PLBD1: variants seen among roughly 807,000 people sequenced by gnomAD.
PLBD1 encodes lysosomal leucine aminopeptidase.
In PLBD1, 60 loss-of-function variants were observed where a neutral mutation model predicts 63.0. The ratio of observed to expected loss-of-function variants is 0.95; its 90% confidence interval spans 0.77 to 1.18. PLBD1 has a LOEUF of 1.18. Ranked by LOEUF, PLBD1 falls within the 50% of genes most tolerant of loss-of-function variation. PLBD1 has a pLI of 0.00. For synonymous variants in PLBD1, 262 were observed against 248.0 expected, an observed-to-expected ratio of 1.06 and a Z score of -0.53; for missense variants, 598 against 677.9, an observed-to-expected ratio of 0.88 and a Z score of 1.31.
intron 6 of PLBD1, among the ~76,000 whole-genome samples, chr12:14,528,735 A>G (rs560576737): frequency 3.6e-4 from 55 of 152,214 alleles, no homozygotes; most frequent in Middle Eastern, 6.8e-3. Context: ...AAAAATGGAA[A>G]TTTTATCTTA....
At position 14,506,264 on chromosome 12, in the gene PLBD1, A is replaced by G; in HGVS notation, c.1377T>C (p.Tyr459=). ...CACCTCTACTGTAAGGATCCTTCTT[A>G]TAATCTAGGAAACAGAAATGGGGAA... The part of the protein sequence containing the change: ...SMKYIMRYNN[Y]KKDPYSRGDP... Residue 459 remains tyrosine (Y), a synonymous_variant, in exon 10 of 11, where the codon TAT becomes TAC. Transcript: ENST00000240617. 1.3e-6 allele frequency: 2 copies of G among 1,596,994 alleles called. No homozygotes were observed. Among genetic ancestry groups the G allele is most frequent in the South Asian group, 1.1e-5 (1 of 90,386 alleles).
At position 14,506,949 on chromosome 12, in the gene PLBD1, A is replaced by T. The variant is rs148870731; in HGVS notation, c.1356T>A (p.Tyr452Ter). ...GCTACGTACTGTTGTATCGCATGAT[A>T]TATTTCATGGATGCCGTATCAGTCA... Reference protein sequence around the residue: ...GKVTDTASMKYIMRYNNYKKD... With the variant: ...GKVTDTASMK The change falls in exon 9 of 11, where the codon TAT becomes TAA. Residue 452 changes from tyrosine to a stop codon, truncating the protein, a stop_gained. Transcript: ENST00000240617. LOFTEE classifies it high-confidence loss of function. 2 of 1,614,090 alleles carry T rather than the reference A, an allele frequency of 1.2e-6. No individual in the cohort carries two copies. The highest frequency in any genetic ancestry group is 3.3e-5 in the Admixed American group (2 of 60,022).
Position 14,506,828 on chromosome 12 carries a change from C to CTT in PLBD1, c.1372+103_1372+104dup, listed in dbSNP as rs1945259685. ...TATTAGTTAAATACTTAAATAACTT[C>CTT]TTATAATTCCTTCTAGTACAGAGAT... On this transcript the variant is annotated intron_variant, in intron 9 of 10. Coordinates refer to ENST00000240617, the MANE Select transcript of PLBD1 (RefSeq NM_024829.6). 3 of 981,778 alleles carry CTT rather than the reference C, an allele frequency of 3.1e-6. No individual in the cohort carries two copies. In the East Asian group the frequency reaches 7.9e-5, roughly 26 times the overall value. The allele number at this position is 981,778 out of a possible 1,614,324, so 60.8% of individuals were successfully genotyped here. A position where few individuals can be genotyped will look rare whatever the true frequency, so the allele number is the denominator to read the frequency against.
intron 9 of PLBD1, among the ~76,000 whole-genome samples, 184 bp from the exon 10 acceptor site, chr12:14,506,452 T>C (rs573779703): frequency 5.9e-5 from 9 of 152,306 alleles, no homozygotes; most frequent in Non-Finnish European, 1.3e-4. Flanking sequence ...AGTAAGTCCT[T>C]GGCCCCAGGC....
chr12:14,530,171 T>G (rs1375306711), intron 6 of PLBD1: 2 of 152,318 alleles, frequency 1.3e-5, no homozygotes, highest in Non-Finnish European at 2.9e-5. Context: ...ATGAAGGACA[T>G]TCAAGCAGTT....
In PLBD1 at chr12:14,511,408, A is replaced by G. The variant is rs1945297338; in HGVS notation, c.1046-8T>C. ...ATTGATTGTTATAGGTGCCTGAAAT[A>G]TCAGGAAACATGAAGACGGGGCATG... On this transcript the variant is annotated splice_polypyrimidine_tract_variant and splice_region_variant and intron_variant, in intron 7 of 10. Coordinates refer to ENST00000240617, the MANE Select transcript of PLBD1 (RefSeq NM_024829.6). 6.2e-7 allele frequency: 1 copy of G among 1,613,154 alleles called. No homozygotes were observed. Among genetic ancestry groups the G allele is most frequent in the Non-Finnish European group, 8.5e-7 (1 of 1,179,448 alleles).
At chr12:14,555,995 G>A (rs1363435772) in intron 1 of PLBD1, among the ~76,000 whole-genome samples, 1 of 152,168 alleles carries the variant, frequency 6.6e-6, no homozygotes, top group Non-Finnish European at 1.5e-5. Flanking sequence ...TTTGTGAAAG[G>A]AAGGAAGACT....
intron 6 of PLBD1, 33 bp from the exon 7 acceptor site, chr12:14,511,744 T>C (rs1945299936): frequency 6.3e-7 from 1 of 1,574,868 alleles, no homozygotes; most frequent in South Asian, 1.1e-5. Context: ...CATCAGCATA[T>C]GTATACATGG....
chr12:14,548,960 T>A (rs1215818948), intron 2 of PLBD1, among the ~76,000 whole-genome samples: 1 of 152,222 alleles, frequency 6.6e-6, no homozygotes, highest in African/African-American at 2.4e-5. Context: ...AGGTTTCATG[T>A]CTCATTTTAT....
intron 6 of PLBD1, among the ~76,000 whole-genome samples, chr12:14,514,804 T>G (rs1945325997): frequency 6.6e-6 from 1 of 151,008 alleles, no homozygotes; most frequent in African/African-American, 2.4e-5. Flanking sequence ...AGCTTTAGAG[T>G]TCAAGGGATC....
intron 1 of PLBD1, chr12:14,553,698 G>A (rs1362533681): frequency 4.6e-5 from 22 of 479,224 alleles, no homozygotes; most frequent in African/African-American, 4.3e-4. Flanking sequence ...GTGGGAATCT[G>A]GGCAGGGCTG....
chr12:14,532,553 T>C (rs1184559885), intron 6 of PLBD1, among the ~76,000 whole-genome samples: 1 of 152,136 alleles, frequency 6.6e-6, no homozygotes, highest in Admixed American at 6.5e-5. Flanking sequence ...ATGCACCATC[T>C]TGCAAAAAAT....
intron 1 of PLBD1, among the ~76,000 whole-genome samples, chr12:14,560,587 G>T (rs1182746799): frequency 6.6e-6 from 1 of 152,144 alleles, no homozygotes; most frequent in Admixed American, 6.6e-5. Flanking sequence ...TCTTTGAAAG[G>T]TCTCTCAGTA....
intron 6 of PLBD1, among the ~76,000 whole-genome samples, chr12:14,529,860 T>A (rs1377330069): frequency 6.6e-6 from 1 of 152,156 alleles, no homozygotes. Context: ...ATTGTATATA[T>A]AGAAAATCCC....
At chr12:14,520,984 C>T (rs140164339) in intron 6 of PLBD1, among the ~76,000 whole-genome samples, 41 of 152,260 alleles carry the variant, frequency 2.7e-4, no homozygotes, top group East Asian at 2.3e-3. Context: ...ATCTTGAGAC[C>T]GGTGCCACTA....
At position 14,511,561 on chromosome 12, in the gene PLBD1, A is replaced by G. The variant is rs752911478; in HGVS notation, c.995T>C (p.Met332Thr). ...TGCCCACCTCTTGCCACTATCTGCC[A>G]TCATATTGGCCACACGGACTCTTTG... ...SWQRVRVANMMADSGKRWADI... is the reference protein window; with the variant it reads ...SWQRVRVANMTADSGKRWADI... The change falls in exon 7 of 11, where the codon ATG becomes ACG. Residue 332 changes from methionine (M) to threonine (T), a missense_variant. Physicochemically the swap from Met to Thr is moderately conservative, Grantham distance 81. Transcript: ENST00000240617. 6.2e-7 allele frequency: 1 copy of G among 1,614,226 alleles called. No individual in the cohort carries two copies. The highest frequency in any genetic ancestry group is 8.5e-7 in the Non-Finnish European group (1 of 1,180,030).
At chr12:14,559,030 T>C (rs976347805) in intron 1 of PLBD1, among the ~76,000 whole-genome samples, 29 of 152,372 alleles carry the variant, frequency 1.9e-4, no homozygotes, top group African/African-American at 6.7e-4. Context: ...CAACTCTTCC[T>C]GGTTTTCCCA....
chr12:14,516,121 G>T (rs895828404), intron 6 of PLBD1, among the ~76,000 whole-genome samples: 1 of 151,674 alleles, frequency 6.6e-6, no homozygotes, highest in Non-Finnish European at 1.5e-5. Flanking sequence ...ACAAGGTCAG[G>T]AGTTTGAGAC....
chr12:14,565,237 G>A (rs568010964), intron 1 of PLBD1, among the ~76,000 whole-genome samples: 2 of 152,110 alleles, frequency 1.3e-5, no homozygotes, highest in South Asian at 4.2e-4. Flanking sequence ...AGGCTGAGGC[G>A]GGCAGATCAC....
Sources: allele counts gnomAD v4.1 joint callset (sites outside exome capture counted in the v4.1 genomes callset), GRCh38; gene constraint gnomAD v4.1.1; transcripts MANE v1.5; gene names NCBI Gene and HGNC (gene_info 2026-07-23, HGNC 2026-07-21).